The following ROBO2 variants were observed in gnomAD, a reference collection of about 807,000 sequenced individuals.
ROBO2 encodes the protein roundabout guidance receptor 2, also known as roundabout homolog 2.
In ROBO2, 53 loss-of-function variants were observed where a neutral mutation model predicts 160.8. That is an observed-to-expected ratio of 0.33 (90% CI 0.26 to 0.41). The LOEUF (loss-of-function observed/expected upper bound fraction) is 0.41. ROBO2 is among the 10% of genes least tolerant of loss of function. The pLI is 1.00. For missense variants in ROBO2, 1,577 were observed against 1,722.4 expected, an observed-to-expected ratio of 0.92 and a Z score of 1.49; for synonymous variants, 664 against 611.7, an observed-to-expected ratio of 1.09 and a Z score of -1.26.
chr3:77,423,447 G>A (rs938843963), intron 2 of ROBO2, among the ~76,000 whole-genome samples: 1 of 152,118 alleles, frequency 6.6e-6, no homozygotes, highest in African/African-American at 2.4e-5. Context: ...GGTTATACTA[G>A]GTTGAAATGT....
intron 2 of ROBO2, among the ~76,000 whole-genome samples, chr3:76,882,932 T>C (rs1301339412): frequency 6.6e-6 from 1 of 152,214 alleles, no homozygotes; most frequent in Admixed American, 6.5e-5. Context: ...GTCTCCATAA[T>C]TTGTTTCCAT....
At chr3:77,162,389 A>T (rs1018624902) in intron 2 of ROBO2, among the ~76,000 whole-genome samples, 1 of 152,234 alleles carries the variant, frequency 6.6e-6, no homozygotes, top group African/African-American at 2.4e-5. Context: ...ACACATTTAG[A>T]TGTCCTCCAG....
intron 2 of ROBO2, among the ~76,000 whole-genome samples, chr3:76,299,072 A>G (rs1276911913): frequency 1.3e-5 from 2 of 152,252 alleles, no homozygotes; most frequent in African/African-American, 4.8e-5. Context: ...TGCCTTACAC[A>G]TACACATCTG....
intron 2 of ROBO2, among the ~76,000 whole-genome samples, chr3:76,513,955 A>T (rs1468091969): frequency 1.3e-5 from 2 of 152,210 alleles, no homozygotes; most frequent in Non-Finnish European, 2.9e-5. Flanking sequence ...TCATTTTTTA[A>T]TGTTATCAAA....
intron 2 of ROBO2, among the ~76,000 whole-genome samples, chr3:76,768,934 A>G (rs2061723765): frequency 2.0e-5 from 3 of 151,472 alleles, no homozygotes; most frequent in Non-Finnish European, 4.4e-5. Flanking sequence ...AGATTGTTGA[A>G]CAAAAGTACA....
chr3:76,868,199 A>C (rs1018736290), intron 2 of ROBO2, among the ~76,000 whole-genome samples: 3 of 151,950 alleles, frequency 2.0e-5, no homozygotes, highest in African/African-American at 7.3e-5. Flanking sequence ...TTTCTCAGCA[A>C]CCTCCCTAAT....
At chr3:77,562,604 G>A (rs777970208) in intron 9 of ROBO2, 47 bp from the exon 11 acceptor site, 3 of 1,342,792 alleles carry the variant, frequency 2.2e-6, no homozygotes, top group Non-Finnish European at 1.1e-6. Context: ...TAATTATTCT[G>A]CAAATTGACT....
intron 2 of ROBO2, among the ~76,000 whole-genome samples, chr3:76,219,563 A>G (rs1212591237): frequency 6.6e-6 from 1 of 152,230 alleles, no homozygotes; most frequent in Admixed American, 6.5e-5. Flanking sequence ...CAGCCAACAG[A>G]CACATGAAAA....
chr3:76,406,364 T>C (rs2078124150), intron 2 of ROBO2, among the ~76,000 whole-genome samples: 1 of 151,908 alleles, frequency 6.6e-6, no homozygotes, highest in Non-Finnish European at 1.5e-5. Context: ...ATTAAATACT[T>C]TTGCCAACTC....
chr3:76,623,175 T>C (rs79346595), intron 2 of ROBO2, among the ~76,000 whole-genome samples: 2,061 of 152,330 alleles, frequency 0.014, 46 homozygotes, highest in African/African-American at 0.047. Flanking sequence ...AGTATGTACA[T>C]TGACTAGAGC....
intron 2 of ROBO2, among the ~76,000 whole-genome samples, chr3:76,803,571 AAC>A (rs761107411): frequency 4.6e-5 from 7 of 151,962 alleles, no homozygotes; most frequent in Non-Finnish European, 1.0e-4. Flanking sequence ...GAGGAAAAAA[AAC>A]ACACAGACGT....
intron 1 of ROBO2, among the ~76,000 whole-genome samples, chr3:77,092,641 A>G (rs1243717262): frequency 1.4e-5 from 2 of 147,072 alleles, no homozygotes; most frequent in Admixed American, 6.8e-5. Flanking sequence ...AAATTTGTAT[A>G]TATTTTAACA....
chr3:77,145,915 A>C (rs1399294024), intron 2 of ROBO2, among the ~76,000 whole-genome samples: 2 of 152,018 alleles, frequency 1.3e-5, no homozygotes, highest in Admixed American at 1.3e-4. Flanking sequence ...TGGTATCTTG[A>C]GTTTCTGAGG....
At chr3:77,649,693 T>A (rs1250268960) in exon 26 of ROBO2, 1 of 152,182 alleles carries the variant, frequency 6.6e-6, no homozygotes, top group Non-Finnish European at 1.5e-5. Context: ...TTTTTAAATC[T>A]CATAATTTAA....
At chr3:77,211,672 T>C (rs1243456222) in intron 2 of ROBO2, among the ~76,000 whole-genome samples, 4 of 152,220 alleles carry the variant, frequency 2.6e-5, no homozygotes, top group Non-Finnish European at 5.9e-5. Flanking sequence ...TGAATGGTAA[T>C]GCCTAGGTTT....
intron 21 of ROBO2, among the ~76,000 whole-genome samples, chr3:77,610,615 C>A (rs1342687702): frequency 4.0e-5 from 6 of 151,630 alleles, no homozygotes; most frequent in African/African-American, 1.5e-4. Flanking sequence ...ACAAAGATAG[C>A]AAGAAAACGT....
At chr3:76,657,624 G>A (rs370995906) in intron 2 of ROBO2, among the ~76,000 whole-genome samples, 210 of 60,698 alleles carry the variant, frequency 3.5e-3, no homozygotes, top group South Asian at 0.018. Context: ...ATATATATGT[G>A]TATATATATT....
At chr3:77,314,283 A>G (rs1243109057) in intron 2 of ROBO2, among the ~76,000 whole-genome samples, 1 of 152,164 alleles carries the variant, frequency 6.6e-6, no homozygotes, top group Non-Finnish European at 1.5e-5. Context: ...TAAAACCCCA[A>G]TTTAGGTTCC....
intron 2 of ROBO2, among the ~76,000 whole-genome samples, chr3:76,904,662 A>G (rs767587975): frequency 5.9e-5 from 9 of 152,140 alleles, no homozygotes; most frequent in Non-Finnish European, 1.0e-4. Flanking sequence ...ATTTAAGAAC[A>G]GGCTCCTGTA....
Sources: allele counts gnomAD v4.1 joint callset (sites outside exome capture counted in the v4.1 genomes callset), GRCh38; gene constraint gnomAD v4.1.1; transcripts MANE v1.5; gene names NCBI Gene and HGNC (gene_info 2026-07-23, HGNC 2026-07-21).